Variants in IFIH1 observed in about 807,000 individuals in gnomAD.
IFIH1 encodes the protein interferon-induced helicase C domain-containing protein 1.
Under a neutral mutation model 107.4 loss-of-function variants are expected in IFIH1, and 125 were observed. The observed-to-expected ratio is 1.16, with a 90% CI of 1.01 to 1.35. The LOEUF is 1.35. Ranked by LOEUF, IFIH1 falls within the 40% of genes most tolerant of loss-of-function variation. The pLI, the probability that IFIH1 is intolerant of heterozygous loss-of-function variation, is 0.00. For missense variants in IFIH1, 1,333 were observed against 1,213.7 expected (o/e 1.10, Z -1.46); for synonymous variants, 458 against 413.2 (o/e 1.11, Z -1.31).
chr2:162,309,691 T>C (rs1237001803), intron 2 of IFIH1, among the ~76,000 whole-genome samples: 1 of 152,228 alleles, frequency 6.6e-6, no homozygotes, highest in Non-Finnish European at 1.5e-5. Context: ...TATAACACAA[T>C]TTCTCATTTT....
At chr2:162,302,376 T>C (rs929593233) in intron 3 of IFIH1, among the ~76,000 whole-genome samples, 17 of 152,380 alleles carry the variant, frequency 1.1e-4, no homozygotes, top group Admixed American at 9.1e-4. Flanking sequence ...TTGAGTCTTT[T>C]CTTTATACAC....
At chr2:162,317,671 A>C (rs1683526458) in intron 1 of IFIH1, among the ~76,000 whole-genome samples, 184 bp downstream of exon 1, 1 of 152,236 alleles carries the variant, frequency 6.6e-6, no homozygotes, top group South Asian at 2.1e-4. Context: ...AAAACATTAG[A>C]AAAGTAGTTC....
intron 2 of IFIH1, among the ~76,000 whole-genome samples, chr2:162,307,627 C>A (rs926404306): frequency 6.6e-6 from 1 of 152,124 alleles, no homozygotes; most frequent in Admixed American, 6.5e-5. Flanking sequence ...TATGAAGCTG[C>A]AATCTGTCAG....
intron 3 of IFIH1, among the ~76,000 whole-genome samples, chr2:162,298,592 C>T (rs1004364689): frequency 2.6e-5 from 4 of 152,090 alleles, no homozygotes; most frequent in Non-Finnish European, 4.4e-5. Context: ...CAAGCTACCC[C>T]GAAAGCTTGA....
At chr2:162,282,680 C>A in intron 5 of IFIH1, 104 bp from the exon 6 acceptor site, 1 of 672,204 alleles carries the variant, frequency 1.5e-6, no homozygotes, top group South Asian at 1.9e-5. Context: ...GAGGTGTTTA[C>A]ATTATCAGTG....
chr2:162,298,799 C>A (rs1357664621), intron 3 of IFIH1, among the ~76,000 whole-genome samples: 2 of 152,102 alleles, frequency 1.3e-5, no homozygotes, highest in African/African-American at 4.8e-5. Flanking sequence ...CGCACACACA[C>A]ACACACACAC....
At chr2:162,308,996 A>C (rs987115432) in intron 2 of IFIH1, among the ~76,000 whole-genome samples, 2 of 152,212 alleles carry the variant, frequency 1.3e-5, no homozygotes, top group Non-Finnish European at 2.9e-5. Flanking sequence ...TTGTGAAACC[A>C]GTTGAGCTAC....
chr2:162,301,290 T>G (rs541590707), intron 3 of IFIH1, among the ~76,000 whole-genome samples: 1 of 152,284 alleles, frequency 6.6e-6, no homozygotes, highest in South Asian at 2.1e-4. Flanking sequence ...CACTGTATAT[T>G]CACACATGGC....
rs1194017224 is a variant in IFIH1 at position 162,318,032 on chromosome 2, G to A, written c.276C>T (p.Ala92=). The part of the protein sequence containing the change: ...ALRRTGSPLA[A]RYMNPELTDL... ...CCGTGAGCTCAGGGTTCATGTAGCG[G>A]GCGGCCAGAGGGCTGCCGGTTCTCC... Residue 92 remains alanine (A), a synonymous_variant, in exon 1 of 16, where the codon GCC becomes GCT. Transcript: ENST00000649979. 6.2e-7 allele frequency: 1 copy of A among 1,614,046 alleles called. No homozygotes were observed. Among genetic ancestry groups the A allele is most frequent in the African/African-American group, 1.3e-5 (1 of 74,930 alleles).
At chr2:162,292,204 A>C (rs1683007529) in intron 4 of IFIH1, among the ~76,000 whole-genome samples, 1 of 151,882 alleles carries the variant, frequency 6.6e-6, no homozygotes, top group Non-Finnish European at 1.5e-5. Flanking sequence ...AATGATGTTA[A>C]ATATTAGCTA....
chr2:162,269,192 A>G (rs1690985625), intron 13 of IFIH1, among the ~76,000 whole-genome samples: 1 of 152,204 alleles, frequency 6.6e-6, no homozygotes, highest in African/African-American at 2.4e-5. Context: ...CCAAACCAGC[A>G]GTCAATGACA....
At position 162,313,664 on chromosome 2, in the gene IFIH1, A is replaced by G. The variant is rs114291218; in HGVS notation, c.454-2731T>C. On this transcript the variant is annotated intron_variant, in intron 1 of 15. Transcript: ENST00000649979. Reference sequence around the variant, plus strand: ...ATTTAAATATAATGGTGATTTTTTTAACCCAGCAGAGTTCAACTCTCAGAT... The same window carrying G: ...ATTTAAATATAATGGTGATTTTTTTGACCCAGCAGAGTTCAACTCTCAGAT... Among the ~76,000 whole-genome samples, 139 of 152,324 alleles carry G rather than the reference A, an allele frequency of 9.1e-4. 1 individual carries two copies. Among genetic ancestry groups the G allele is most frequent in the African/African-American group, 2.9e-3 (122 of 41,584 alleles).
intron 2 of IFIH1, chr2:162,310,023 C>T (rs1223092809): frequency 1.3e-5 from 2 of 152,214 alleles, no homozygotes; most frequent in Non-Finnish European, 2.9e-5. Flanking sequence ...AAAACTCTTA[C>T]AGTCTCTATC....
chr2:162,302,605 A>G (rs1683212254), intron 3 of IFIH1, among the ~76,000 whole-genome samples: 1 of 152,256 alleles, frequency 6.6e-6, no homozygotes, highest in Admixed American at 6.5e-5. Context: ...ATGCCTATGC[A>G]GGCAAAACCC....
rs1239223030 is a variant in IFIH1, at chr2:162,317,981, G to T, written c.327C>A (p.Asn109Lys). ...GCAGTTGGAGATATTCATCATGAGC[G>T]TTCTCAAACGATGGAGAGGGCAAGT... ...LTDLPSPSFE[N>K]AHDEYLQLLN... Residue 109 changes from asparagine (N) to lysine (K), a missense_variant, in exon 1 of 16, where the codon AAC (asparagine) becomes AAA (lysine). By Grantham distance (94) the Asn-to-Lys change is moderately conservative. Coordinates refer to ENST00000649979, the MANE Select transcript of IFIH1 (RefSeq NM_022168.4). 6.2e-7 allele frequency: 1 copy of T among 1,614,074 alleles called. No homozygotes were observed. Among genetic ancestry groups the T allele is most frequent in the African/African-American group, 1.3e-5 (1 of 74,924 alleles).
chr2:162,274,496 A>G lies in IFIH1; in HGVS notation c.2305-552T>C, dbSNP rs548701727. On this transcript the variant is annotated intron_variant, in intron 11 of 15. Coordinates refer to ENST00000649979, the MANE Select transcript of IFIH1 (RefSeq NM_022168.4). ...CTGAAAACATCAGCTGCATCTAGGG[A>G]GGGGAGCTGGAAGACTAGAGGTCAG... Among the ~76,000 whole-genome samples, 4 of 152,274 alleles carry G rather than the reference A, an allele frequency of 2.6e-5. No individual in the cohort carries two copies. In the South Asian group the frequency reaches 8.3e-4, roughly 32 times the overall value.
At chr2:162,272,707 A>T (rs769226549) in intron 12 of IFIH1, among the ~76,000 whole-genome samples, 8 of 152,048 alleles carry the variant, frequency 5.3e-5, no homozygotes, top group Non-Finnish European at 1.0e-4. Context: ...ACGATCAATG[A>T]CTTGGACTGA....
intron 5 of IFIH1, among the ~76,000 whole-genome samples, chr2:162,283,556 AAG>A (rs1682846105): frequency 6.6e-6 from 1 of 152,032 alleles, no homozygotes; most frequent in East Asian, 1.9e-4. Flanking sequence ...AGTTGGCAGG[AAG>A]AGTTTCAAGG....
chr2:162,287,974 C>CATAT (rs951338532), intron 5 of IFIH1, among the ~76,000 whole-genome samples, 161 bp downstream of exon 5: 1 of 151,846 alleles, frequency 6.6e-6, no homozygotes, highest in Non-Finnish European at 1.5e-5. Flanking sequence ...TTAGATATTA[C>CATAT]ATATACCTAA....
Sources: allele counts gnomAD v4.1 joint callset (sites outside exome capture counted in the v4.1 genomes callset), GRCh38; gene constraint gnomAD v4.1.1; transcripts MANE v1.5; gene names NCBI Gene and HGNC (gene_info 2026-07-23, HGNC 2026-07-21).